JAZF1: variants seen among roughly 807,000 people sequenced by gnomAD.
JAZF1 encodes the protein juxtaposed with another zinc finger protein 1.
JAZF1 carries 8 observed loss-of-function variants against 26.4 expected under a neutral mutation model. That is an observed-to-expected ratio of 0.30 (90% confidence interval 0.18 to 0.55). The LOEUF is 0.55. Ranked by LOEUF, JAZF1 falls within the 20% of genes least tolerant of loss-of-function variation. The probability of loss-of-function intolerance (pLI) is 0.94; values close to 1 mark genes in which losing one functional copy is unlikely to be tolerated. For synonymous variants in JAZF1, 126 were observed against 122.3 expected, an observed-to-expected ratio of 1.03 and a Z score of -0.20; for missense variants, 199 against 322.0, an observed-to-expected ratio of 0.62 and a Z score of 2.92.
chr7:27,857,689 A>T (rs1456392980), intron 3 of JAZF1, among the ~76,000 whole-genome samples: 1 of 152,270 alleles, frequency 6.6e-6, no homozygotes, highest in Non-Finnish European at 1.5e-5. Context: ...ACAAAATTCA[A>T]CATCCATTCA....
chr7:27,843,697 A>T (rs1782965021), intron 3 of JAZF1: 1 of 152,264 alleles, frequency 6.6e-6, no homozygotes, highest in Non-Finnish European at 1.5e-5. Flanking sequence ...GAGGCTACAG[A>T]GGCCAGGAGG....
At chr7:28,116,357 C>T (rs138735343) in intron 1 of JAZF1, among the ~76,000 whole-genome samples, 1,607 of 152,312 alleles carry the variant, frequency 0.011, 14 homozygotes, top group Non-Finnish European at 0.016. Context: ...GTTAAAAGTG[C>T]TACTTCAGTA....
At chr7:28,055,115 C>G (rs1466007776) in intron 1 of JAZF1, among the ~76,000 whole-genome samples, 1 of 151,872 alleles carries the variant, frequency 6.6e-6, no homozygotes, top group Admixed American at 6.6e-5. Context: ...CCAATATAGA[C>G]TTACTAAATG....
intron 2 of JAZF1, among the ~76,000 whole-genome samples, chr7:27,918,210 A>G (rs1784474063): frequency 6.6e-6 from 1 of 152,194 alleles, no homozygotes; most frequent in South Asian, 2.1e-4. Flanking sequence ...ACCCATCCTA[A>G]TACAAAGGAT....
At chr7:27,893,764 C>T (rs1212460055) in intron 3 of JAZF1, among the ~76,000 whole-genome samples, 2 of 152,178 alleles carry the variant, frequency 1.3e-5, no homozygotes, top group African/African-American at 4.8e-5. Context: ...GTTTCTCAGA[C>T]AGCACAAACA....
chr7:27,923,695 G>C (rs1784569886), intron 2 of JAZF1, among the ~76,000 whole-genome samples: 1 of 152,198 alleles, frequency 6.6e-6, no homozygotes, highest in African/African-American at 2.4e-5. Context: ...TTGCAGACTT[G>C]GCACACTAGG....
At chr7:27,857,252 C>T (rs1783282496) in intron 3 of JAZF1, among the ~76,000 whole-genome samples, 1 of 152,220 alleles carries the variant, frequency 6.6e-6, no homozygotes, top group African/African-American at 2.4e-5. Flanking sequence ...GCTGCTGGCC[C>T]AGGTGCCAAG....
chr7:27,991,805 T>G, intron 2 of JAZF1, 104 bp downstream of exon 2: 1 of 703,342 alleles, frequency 1.4e-6, no homozygotes, highest in Non-Finnish European at 2.4e-6. Context: ...ATGCAAATAT[T>G]TTAAGACTGA....
intron 1 of JAZF1, among the ~76,000 whole-genome samples, chr7:28,175,695 G>A (rs561682805): frequency 4.6e-5 from 7 of 152,316 alleles, no homozygotes; most frequent in African/African-American, 1.7e-4. Context: ...AGAGTCAATC[G>A]TGTGAGGGGA....
intron 2 of JAZF1, among the ~76,000 whole-genome samples, chr7:27,960,542 T>C (rs1785169792): frequency 6.6e-6 from 1 of 152,218 alleles, no homozygotes; most frequent in Non-Finnish European, 1.5e-5. Flanking sequence ...CAGGGTATTC[T>C]GTAGGAGTTA....
chr7:27,847,600 CTCTCTTCTGTT>C (rs1427980467), intron 3 of JAZF1, among the ~76,000 whole-genome samples: 7 of 152,174 alleles, frequency 4.6e-5, no homozygotes, highest in African/African-American at 1.7e-4. Context: ...CATGTGGGCT[CTCTCTTCTGTT>C]CCACTGGTCT....
intron 1 of JAZF1, among the ~76,000 whole-genome samples, chr7:28,019,073 G>C (rs910062593): frequency 6.6e-6 from 1 of 152,188 alleles, no homozygotes; most frequent in African/African-American, 2.4e-5. Context: ...CAAATGTTCA[G>C]TCATCCTTGT....
chr7:27,879,364 T>G (rs1783730806), intron 3 of JAZF1, among the ~76,000 whole-genome samples: 1 of 152,198 alleles, frequency 6.6e-6, no homozygotes, highest in African/African-American at 2.4e-5. Context: ...CACATGAGAA[T>G]TAAACCCATG....
chr7:27,987,253 G>A (rs1029274850), intron 2 of JAZF1, among the ~76,000 whole-genome samples: 8 of 150,102 alleles, frequency 5.3e-5, no homozygotes, highest in South Asian at 2.1e-4. Context: ...TGTGGGGAGC[G>A]CCTCTGCCCC....
At chr7:28,067,707 G>A (rs1783906912) in intron 1 of JAZF1, among the ~76,000 whole-genome samples, 2 of 152,172 alleles carry the variant, frequency 1.3e-5, no homozygotes, top group Admixed American at 1.3e-4. Flanking sequence ...GGGCAATTTC[G>A]TTTGAATTTG....
At chr7:28,130,741 T>C (rs1782780147) in intron 1 of JAZF1, among the ~76,000 whole-genome samples, 1 of 152,026 alleles carries the variant, frequency 6.6e-6, no homozygotes, top group Non-Finnish European at 1.5e-5. Flanking sequence ...TGATCAGGAG[T>C]CTAATTGGTA....
In JAZF1 at chr7:28,151,022, T is replaced by C. The variant is rs1206945555; in HGVS notation, c.115+29441A>G. Among the ~76,000 whole-genome samples, 3 of 152,066 alleles carry C rather than the reference T, an allele frequency of 2.0e-5. 1 individual carries two copies. The highest frequency in any genetic ancestry group is 4.4e-5 in the Non-Finnish European group (3 of 68,020). On this transcript the variant is annotated intron_variant, in intron 1 of 4. Coordinates refer to ENST00000283928, the MANE Select transcript of JAZF1 (RefSeq NM_175061.4). ...AATACAAATTATACATAATAATTAA[T>C]AATGTAAATAAAGACTGAAAGGAAA...
intron 2 of JAZF1, among the ~76,000 whole-genome samples, chr7:27,961,474 G>T (rs1785183988): frequency 6.6e-6 from 1 of 152,216 alleles, no homozygotes; most frequent in African/African-American, 2.4e-5. Flanking sequence ...CCCACTGATT[G>T]TCCCAGACCA....
At chr7:28,069,321 T>A (rs1178582205) in intron 1 of JAZF1, among the ~76,000 whole-genome samples, 1 of 152,226 alleles carries the variant, frequency 6.6e-6, no homozygotes, top group African/African-American at 2.4e-5. Context: ...CTGTATTATA[T>A]TTTAACCTGG....
Sources: allele counts gnomAD v4.1 joint callset (sites outside exome capture counted in the v4.1 genomes callset), GRCh38; gene constraint gnomAD v4.1.1; transcripts MANE v1.5; gene names NCBI Gene and HGNC (gene_info 2026-07-23, HGNC 2026-07-21).